NUP155: variants seen among roughly 807,000 people sequenced by gnomAD.
NUP155 encodes nuclear pore complex protein Nup155.
Under a neutral mutation model 180.4 loss-of-function variants are expected in NUP155, and 71 were observed. The observed-to-expected ratio is 0.39, with a 90% CI of 0.33 to 0.48. The LOEUF is 0.48. NUP155 is among the 20% of genes least tolerant of loss of function. The pLI, the probability that NUP155 is intolerant of heterozygous loss-of-function variation, is 0.91. For missense variants in NUP155, 1,553 were observed against 1,648.9 expected, an observed-to-expected ratio of 0.94 and a Z score of 1.01; for synonymous variants, 582 against 559.5, an observed-to-expected ratio of 1.04 and a Z score of -0.57.
intron 4 of NUP155, 64 bp from the exon 5 acceptor site, chr5:37,352,893 T>TAATGG: frequency 9.1e-7 from 1 of 1,103,148 alleles, no homozygotes; most frequent in Non-Finnish European, 1.4e-6. Flanking sequence ...GAGTAAGCTT[T>TAATGG]TATTACCATT....
rs150296913 is a variant in NUP155 at position 37,345,775 on chromosome 5, G to A, written c.995+2730C>T. The stretch of plus-strand genomic sequence containing the variant: ...AAAAATTAGCCAGGCACAGTGGTGC[G>A]CGCCTATAGTCCCAGCTGCTTGGGA... On this transcript the variant is annotated intron_variant, in intron 9 of 34. Coordinates refer to ENST00000231498, the MANE Select transcript of NUP155 (RefSeq NM_153485.3). 1.1e-3 allele frequency among the ~76,000 whole-genome samples: 170 copies of A among 151,754 alleles called. 1 individual carries two copies. In the East Asian group the frequency reaches 0.029, roughly 26 times the overall value.
intron 25 of NUP155, among the ~76,000 whole-genome samples, chr5:37,306,271 G>A (rs1743148938): frequency 6.6e-6 from 1 of 151,896 alleles, no homozygotes; most frequent in African/African-American, 2.4e-5. Context: ...GTGGTGACAT[G>A]TGCCTGTAGT....
chr5:37,296,037 T>C (rs868226124), intron 32 of NUP155, among the ~76,000 whole-genome samples: 7,340 of 115,760 alleles, frequency 0.063, 664 homozygotes, highest in African/African-American at 0.21. Context: ...CCAGCCGCCC[T>C]GTCCGGGAGG....
chr5:37,331,883 G>T lies in NUP155; in HGVS notation c.1519-88C>A, dbSNP rs13170025. 171,008 of 835,322 alleles carry T rather than the reference G, an allele frequency of 0.2. 18,765 individuals carry two copies. The highest frequency in any genetic ancestry group is 0.29 in the East Asian group (11,426 of 39,230). 51.7% of individuals were successfully genotyped at this position (835,322 alleles called of 1,614,324 possible). Reference sequence around the variant, plus strand: ...CTCTACCTTATTTGATAAAATAAATGAAACAAACAAAAAAAACCATTCAAC... The same window carrying T: ...CTCTACCTTATTTGATAAAATAAATTAAACAAACAAAAAAAACCATTCAAC... On this transcript the variant is annotated intron_variant, in intron 13 of 34. Transcript: ENST00000231498.
At chr5:37,292,845 G>A (rs750532595) in intron 34 of NUP155, 34 bp downstream of exon 34, 2 of 1,380,144 alleles carry the variant, frequency 1.4e-6, no homozygotes, top group South Asian at 2.3e-5. Flanking sequence ...GCATTTAAAA[G>A]CTTTTGCTGA....
At chr5:37,349,439 A>T (rs1311788727) in intron 7 of NUP155, among the ~76,000 whole-genome samples, 194 bp from the exon 8 acceptor site, 4 of 152,134 alleles carry the variant, frequency 2.6e-5, no homozygotes, top group Admixed American at 2.6e-4. Flanking sequence ...CAGACAACAC[A>T]TGAAAAAAAC....
At chr5:37,357,771 A>C (rs907485009) in intron 4 of NUP155, among the ~76,000 whole-genome samples, 1 of 152,094 alleles carries the variant, frequency 6.6e-6, no homozygotes, top group Admixed American at 6.6e-5. Context: ...AGGCGGGCGG[A>C]TCACCTGAGG....
intron 3 of NUP155, among the ~76,000 whole-genome samples, chr5:37,363,367 A>G (rs1472813738): frequency 6.6e-6 from 1 of 152,216 alleles, no homozygotes; most frequent in Non-Finnish European, 1.5e-5. Flanking sequence ...AACAAAATCT[A>G]TCTCTAAAAA....
intron 9 of NUP155, among the ~76,000 whole-genome samples, chr5:37,347,311 C>T (rs1160674598): frequency 1.4e-5 from 2 of 138,626 alleles, no homozygotes. Flanking sequence ...GTCATGATCC[C>T]TATGTAAAGT....
rs748086441 is a variant in NUP155, at chr5:37,310,748, G to A, written c.2437-5C>T. On this transcript the variant is annotated splice_polypyrimidine_tract_variant and splice_region_variant and intron_variant, in intron 22 of 34. Coordinates refer to ENST00000231498, the MANE Select transcript of NUP155 (RefSeq NM_153485.3). ...CTTCAGCTGCTCTTGAAGTTCCTAG[G>A]AGCATAAAACTTTTCTATCACAATT... 6.2e-7 allele frequency: 1 copy of A among 1,610,696 alleles called. No individual in the cohort carries two copies. The highest frequency in any genetic ancestry group is 1.1e-5 in the South Asian group (1 of 90,764).
rs755046406 is a variant in NUP155, at chr5:37,371,026, G to A, written c.-49C>T. ...TCCAGAAAAAGTCAAAAACCAAGGAGAAACAAGAAAAGATCCAAGAAGTTA... is the reference window on the plus strand; with the variant it reads ...TCCAGAAAAAGTCAAAAACCAAGGAAAAACAAGAAAAGATCCAAGAAGTTA... On this transcript the variant is annotated 5_prime_UTR_variant, in exon 1 of 35. Transcript: ENST00000231498. 61 of 1,593,782 alleles carry A rather than the reference G, an allele frequency of 3.8e-5. No individual in the cohort carries two copies. The highest frequency in any genetic ancestry group is 4.9e-5 in the Non-Finnish European group (57 of 1,165,026).
At chr5:37,337,711 C>T (rs768187386) in intron 12 of NUP155, 107 bp downstream of exon 12, 21 of 667,238 alleles carry the variant, frequency 3.1e-5, no homozygotes, top group Admixed American at 8.0e-5. Context: ...TCTAATAATA[C>T]GTTATTAGAA....
At chr5:37,306,078 C>T (rs1743137337) in intron 25 of NUP155, among the ~76,000 whole-genome samples, 1 of 152,078 alleles carries the variant, frequency 6.6e-6, no homozygotes, top group Non-Finnish European at 1.5e-5. Context: ...AGGGTAAAGT[C>T]ATTAAATATA....
chr5:37,297,456 G>A (rs1262376680), intron 32 of NUP155, among the ~76,000 whole-genome samples: 1 of 152,106 alleles, frequency 6.6e-6, no homozygotes, highest in African/African-American at 2.4e-5. Context: ...TCAGCTCACT[G>A]CAGTTTTCAC....
rs769407703 is a variant in NUP155, at chr5:37,310,600, C to T, written c.2580G>A (p.Gln860=). 1 of 1,613,520 alleles carries T rather than the reference C, an allele frequency of 6.2e-7. No homozygotes were observed. The highest frequency in any genetic ancestry group is 1.1e-5 in the South Asian group (1 of 91,054). The change falls in exon 23 of 35, where the codon CAG becomes CAA. Residue 860 remains glutamine, a synonymous_variant. Transcript: ENST00000231498. The part of the protein sequence containing the change: ...AAVDGISLHL[Q]DICPLLYSTD... ...TGCTATATAGAAGTGGGCAGATATC[C>T]TGTAAATGTAAACTAATGCCATCAA...
chr5:37,324,995 CA>C (rs1009432577), intron 19 of NUP155, among the ~76,000 whole-genome samples: 1 of 152,054 alleles, frequency 6.6e-6, no homozygotes, highest in Non-Finnish European at 1.5e-5. Context: ...ACTAAAAATA[CA>C]AAAAATCAGC....
At chr5:37,308,709 A>T (rs1358163411) in intron 24 of NUP155, among the ~76,000 whole-genome samples, 3 of 150,620 alleles carry the variant, frequency 2.0e-5, no homozygotes, top group Admixed American at 6.6e-5. Flanking sequence ...TAAAAAAAAT[A>T]AAAAAATAAA....
chr5:37,336,559 G>A (rs574771778), intron 12 of NUP155, among the ~76,000 whole-genome samples: 4 of 152,074 alleles, frequency 2.6e-5, no homozygotes, highest in Non-Finnish European at 4.4e-5. Context: ...TAGTAGGTAC[G>A]ATTATAACTA....
chr5:37,343,882 C>T (rs1172538216), intron 9 of NUP155, among the ~76,000 whole-genome samples: 2 of 151,830 alleles, frequency 1.3e-5, no homozygotes, highest in African/African-American at 2.4e-5. Flanking sequence ...CAGACTGAGA[C>T]TCTATCTCAA....
Sources: gnomAD v4.1 joint callset for allele counts (sites outside exome capture counted in the v4.1 genomes callset) on GRCh38, gnomAD v4.1.1 for gene constraint, MANE v1.5 for transcripts, NCBI Gene and HGNC (gene_info 2026-07-23, HGNC 2026-07-21) for gene names.